Variants in NSMCE2 observed in about 807,000 individuals in gnomAD.
The protein encoded by NSMCE2 is E3 SUMO-protein ligase NSE2.
In NSMCE2, 24 loss-of-function variants were observed where a neutral mutation model predicts 23.8. The observed-to-expected ratio is 1.01, with a 90% CI of 0.73 to 1.42. The LOEUF (loss-of-function observed/expected upper bound fraction) is 1.42. NSMCE2 is among the 40% of genes most tolerant of loss of function. The pLI is 0.00. For synonymous variants in NSMCE2, 92 were observed against 94.1 expected (o/e 0.98, Z 0.13); for missense variants, 284 against 296.5 (o/e 0.96, Z 0.31).
At chr8:125,278,172 C>T (rs985573185) in intron 5 of NSMCE2, among the ~76,000 whole-genome samples, 26 of 152,186 alleles carry the variant, frequency 1.7e-4, no homozygotes, top group African/African-American at 6.3e-4. Context: ...GGGTATTTTA[C>T]ATTATTATTT....
intron 3 of NSMCE2, among the ~76,000 whole-genome samples, chr8:125,110,032 C>A (rs1445846903): frequency 6.6e-6 from 1 of 151,966 alleles, no homozygotes; most frequent in Non-Finnish European, 1.5e-5. Flanking sequence ...ATTTTTAAAT[C>A]ATCTTTAAGT....
chr8:125,179,377 A>C (rs1328537452), intron 4 of NSMCE2, among the ~76,000 whole-genome samples: 1 of 152,126 alleles, frequency 6.6e-6, no homozygotes, highest in African/African-American at 2.4e-5. Flanking sequence ...CTAAGAAAAG[A>C]GGGGCATCTT....
chr8:125,143,653 C>T (rs941793150), intron 3 of NSMCE2, among the ~76,000 whole-genome samples: 2 of 152,158 alleles, frequency 1.3e-5, no homozygotes, highest in Non-Finnish European at 2.9e-5. Context: ...CATGCCTGTA[C>T]ATGGCTTTGT....
chr8:125,278,304 C>T (rs1411431615), intron 5 of NSMCE2, among the ~76,000 whole-genome samples: 1 of 152,210 alleles, frequency 6.6e-6, no homozygotes, highest in East Asian at 1.9e-4. Flanking sequence ...TTGAATGGCA[C>T]CAGTAAGGCC....
chr8:125,124,545 C>G (rs1022255125), intron 3 of NSMCE2, among the ~76,000 whole-genome samples: 10 of 151,900 alleles, frequency 6.6e-5, no homozygotes, highest in African/African-American at 2.4e-4. Context: ...GTGGGGTGAT[C>G]AACAGCTCAC....
intron 3 of NSMCE2, among the ~76,000 whole-genome samples, chr8:125,114,822 C>A (rs1818920758): frequency 6.6e-6 from 1 of 152,202 alleles, no homozygotes; most frequent in African/African-American, 2.4e-5. Flanking sequence ...TTTAAAAAAT[C>A]TACTTAGAGA....
intron 5 of NSMCE2, among the ~76,000 whole-genome samples, chr8:125,222,309 C>T (rs1217778652): frequency 6.6e-6 from 1 of 152,028 alleles, no homozygotes; most frequent in Non-Finnish European, 1.5e-5. Flanking sequence ...GTATACCTTG[C>T]AGAATAATTA....
chr8:125,283,144 A>G (rs1403790382), intron 5 of NSMCE2, among the ~76,000 whole-genome samples: 1 of 152,198 alleles, frequency 6.6e-6, no homozygotes, highest in Non-Finnish European at 1.5e-5. Context: ...AAATATGACA[A>G]CCTTCTATAT....
At chr8:125,191,785 A>T (rs1002882259) in intron 5 of NSMCE2, among the ~76,000 whole-genome samples, 2 of 152,206 alleles carry the variant, frequency 1.3e-5, no homozygotes, top group Non-Finnish European at 1.5e-5. Context: ...TCTCTTGCAC[A>T]TACATCATCT....
intron 5 of NSMCE2, among the ~76,000 whole-genome samples, chr8:125,305,847 C>A (rs1828733596): frequency 6.6e-6 from 1 of 152,132 alleles, no homozygotes; most frequent in Non-Finnish European, 1.5e-5. Flanking sequence ...TTGAGCCTTG[C>A]CCTCACAGAG....
intron 5 of NSMCE2, among the ~76,000 whole-genome samples, chr8:125,283,136 A>T (rs1019452367): frequency 2.6e-5 from 4 of 152,254 alleles, no homozygotes; most frequent in Admixed American, 2.0e-4. Flanking sequence ...CAATGATTAA[A>T]TATGACAACC....
chr8:125,124,746 A>G (rs1279338284), intron 3 of NSMCE2, among the ~76,000 whole-genome samples: 6 of 151,968 alleles, frequency 3.9e-5, no homozygotes, highest in African/African-American at 7.3e-5. Context: ...CCAAAGTACT[A>G]GGATTATAGA....
At chr8:125,230,373 T>A (rs929046828) in intron 5 of NSMCE2, among the ~76,000 whole-genome samples, 1 of 152,240 alleles carries the variant, frequency 6.6e-6, no homozygotes, top group Admixed American at 6.5e-5. Flanking sequence ...ACACAAGGGC[T>A]GATTGGTGTT....
rs531056585 is a variant in NSMCE2 at position 125,304,186 on chromosome 8, A to G, written c.419-53033A>G. 1.4e-4 allele frequency among the ~76,000 whole-genome samples: 22 copies of G among 152,364 alleles called. No individual in the cohort carries two copies. The South Asian group carries it at 1.4e-3, about 10-fold the overall frequency. ...CCCTTAGTGCTTAATGATTAGCCTC[A>G]TTCGACTCTAATCTATAAAACTAAG... On this transcript the variant is annotated intron_variant, in intron 5 of 7. Transcript: ENST00000287437.
chr8:125,245,111 A>G (rs925929343), intron 5 of NSMCE2, among the ~76,000 whole-genome samples: 1 of 152,032 alleles, frequency 6.6e-6, no homozygotes, highest in Non-Finnish European at 1.5e-5. Flanking sequence ...GTAAAACCCT[A>G]TCTCTACTAA....
chr8:125,153,947 T>C (rs1821174168), intron 4 of NSMCE2, among the ~76,000 whole-genome samples: 1 of 152,230 alleles, frequency 6.6e-6, no homozygotes, highest in South Asian at 2.1e-4. Context: ...TATTCTGGAA[T>C]TCAAGAGTCA....
At chr8:125,230,625 A>G (rs1441651229) in intron 5 of NSMCE2, among the ~76,000 whole-genome samples, 1 of 152,222 alleles carries the variant, frequency 6.6e-6, no homozygotes, top group Admixed American at 6.5e-5. Flanking sequence ...CACCAGATGA[A>G]TAGTAGTACT....
At chr8:125,142,655 A>C (rs909459253) in intron 3 of NSMCE2, among the ~76,000 whole-genome samples, 3 of 151,242 alleles carry the variant, frequency 2.0e-5, no homozygotes, top group African/African-American at 7.3e-5. Context: ...CCCATGCTGG[A>C]GGACAGTGGT....
intron 5 of NSMCE2, among the ~76,000 whole-genome samples, chr8:125,295,732 G>A (rs1168386041): frequency 1.3e-5 from 2 of 152,188 alleles, no homozygotes; most frequent in African/African-American, 2.4e-5. Flanking sequence ...AGGAATAGTT[G>A]GAGCTTGAAT....
Sources: allele counts gnomAD v4.1 joint callset (sites outside exome capture counted in the v4.1 genomes callset), GRCh38; gene constraint gnomAD v4.1.1; transcripts MANE v1.5; gene names NCBI Gene and HGNC (gene_info 2026-07-23, HGNC 2026-07-21).